Variants in SPOCK3 observed in about 807,000 individuals in gnomAD.
SPOCK3 encodes the protein SPARC (osteonectin), cwcv and kazal like domains proteoglycan 3.
SPOCK3 carries 30 observed loss-of-function variants against 56.6 expected under a neutral mutation model. The observed-to-expected ratio is 0.53, with a 90% CI of 0.40 to 0.72. The LOEUF (loss-of-function observed/expected upper bound fraction) is 0.72, where lower values mean the gene tolerates loss of function less well. SPOCK3 is among the 30% of genes least tolerant of loss of function. SPOCK3 has a pLI of 0.00. For synonymous variants in SPOCK3, 196 were observed against 183.3 expected (o/e 1.07, Z -0.56); for missense variants, 527 against 530.0 (o/e 0.99, Z 0.06).
At chr4:167,055,489 C>G (rs181100062) in intron 3 of SPOCK3, among the ~76,000 whole-genome samples, 6 of 152,164 alleles carry the variant, frequency 3.9e-5, no homozygotes, top group African/African-American at 1.4e-4. Context: ...CGAGCCAAAG[C>G]AGGGTGAGGC....
At chr4:166,897,165 T>C (rs1214052602) in intron 5 of SPOCK3, among the ~76,000 whole-genome samples, 2 of 152,172 alleles carry the variant, frequency 1.3e-5, no homozygotes, top group Non-Finnish European at 2.9e-5. Context: ...TTAATCATTA[T>C]GTAGTAATTC....
At chr4:166,911,239 C>A (rs1433303942) in intron 5 of SPOCK3, among the ~76,000 whole-genome samples, 1 of 88,982 alleles carries the variant, frequency 1.1e-5, no homozygotes, top group Non-Finnish European at 2.2e-5. Context: ...GTACTTGGCA[C>A]CTAGTGTGTA....
At chr4:166,905,780 G>C (rs1736541710) in intron 5 of SPOCK3, among the ~76,000 whole-genome samples, 1 of 151,934 alleles carries the variant, frequency 6.6e-6, no homozygotes, top group Non-Finnish European at 1.5e-5. Flanking sequence ...ATTTAGCAAA[G>C]TGGCAATATA....
At chr4:167,099,066 T>C (rs1759411270) in intron 2 of SPOCK3, among the ~76,000 whole-genome samples, 1 of 152,016 alleles carries the variant, frequency 6.6e-6, no homozygotes, top group East Asian at 1.9e-4. Context: ...GTCTGTCACA[T>C]AGGATGTGTA....
chr4:167,049,206 G>C (rs918410764), intron 3 of SPOCK3, among the ~76,000 whole-genome samples: 2 of 151,628 alleles, frequency 1.3e-5, no homozygotes, highest in African/African-American at 4.8e-5. Flanking sequence ...CTGGGTTCAA[G>C]CATCTTTGAA....
chr4:167,085,185 A>G (rs1758074566), intron 2 of SPOCK3, among the ~76,000 whole-genome samples: 2 of 152,138 alleles, frequency 1.3e-5, no homozygotes, highest in Admixed American at 6.6e-5. Flanking sequence ...AAAAAAAAAA[A>G]AAACACAAAT....
upstream of SPOCK3, chr4:167,234,554 C>A (rs1424053133): frequency 3.9e-6 from 1 of 258,298 alleles, no homozygotes; most frequent in Non-Finnish European, 7.5e-6. Context: ...CGTCTCGAGC[C>A]GTCCACTCAG....
chr4:167,118,763 C>T (rs1162150076), intron 2 of SPOCK3, among the ~76,000 whole-genome samples: 2 of 152,094 alleles, frequency 1.3e-5, no homozygotes, highest in Admixed American at 6.6e-5. Flanking sequence ...GAAAACTTGG[C>T]ATTTGTTGAT....
intron 4 of SPOCK3, among the ~76,000 whole-genome samples, chr4:166,980,995 G>A (rs558536974): frequency 3.2e-4 from 49 of 152,308 alleles, no homozygotes; most frequent in African/African-American, 1.1e-3. Flanking sequence ...AGTTCTTGCC[G>A]CGGTCTAGGA....
At chr4:167,063,413 A>T (rs1313252145) in intron 2 of SPOCK3, among the ~76,000 whole-genome samples, 1 of 151,992 alleles carries the variant, frequency 6.6e-6, no homozygotes, top group Non-Finnish European at 1.5e-5. Context: ...GCCAAAAGAG[A>T]GTAGCACATC....
At chr4:166,806,948 A>T (rs1021538818) in intron 6 of SPOCK3, among the ~76,000 whole-genome samples, 1 of 151,956 alleles carries the variant, frequency 6.6e-6, no homozygotes, top group Non-Finnish European at 1.5e-5. Context: ...GTAAGAGATT[A>T]ACAACAATAA....
intron 7 of SPOCK3, among the ~76,000 whole-genome samples, chr4:166,762,875 A>C (rs1737430621): frequency 6.6e-6 from 1 of 152,156 alleles, no homozygotes; most frequent in Non-Finnish European, 1.5e-5. Context: ...AATATGAAAA[A>C]GAAAAACCAA....
intron 2 of SPOCK3, among the ~76,000 whole-genome samples, chr4:167,206,122 G>A (rs923690393): frequency 6.6e-6 from 1 of 151,944 alleles, no homozygotes; most frequent in African/African-American, 2.4e-5. Flanking sequence ...TCAGGAGTTC[G>A]AGACCAGCCT....
chr4:166,887,931 C>T (rs891515285), intron 6 of SPOCK3, among the ~76,000 whole-genome samples: 2 of 150,916 alleles, frequency 1.3e-5, no homozygotes, highest in African/African-American at 4.9e-5. Context: ...TGGTGTCATT[C>T]TTCACAGGAT....
intron 2 of SPOCK3, among the ~76,000 whole-genome samples, chr4:167,222,545 T>A (rs150459264): frequency 3.9e-4 from 56 of 144,876 alleles, no homozygotes; most frequent in African/African-American, 1.1e-3. Context: ...GATTCATATA[T>A]GAATATATAA....
At chr4:167,067,236 A>C (rs1214030698) in intron 2 of SPOCK3, among the ~76,000 whole-genome samples, 2 of 151,794 alleles carry the variant, frequency 1.3e-5, no homozygotes, top group African/African-American at 4.8e-5. Flanking sequence ...ATCTTACTAA[A>C]ATCTATGTTT....
At chr4:167,157,618 T>TTA (rs770494301) in intron 2 of SPOCK3, among the ~76,000 whole-genome samples, 84 of 147,798 alleles carry the variant, frequency 5.7e-4, no homozygotes, top group Admixed American at 1.7e-3. Context: ...AGGTTTTTTT[T>TTA]AAAAAAAAAA....
At chr4:167,054,342 C>A (rs766153794) in intron 3 of SPOCK3, among the ~76,000 whole-genome samples, 6 of 152,218 alleles carry the variant, frequency 3.9e-5, no homozygotes, top group Non-Finnish European at 7.3e-5. Flanking sequence ...GCATATTCAT[C>A]TAAAGCATTG....
intron 5 of SPOCK3, among the ~76,000 whole-genome samples, chr4:166,893,494 T>C (rs1735006837): frequency 6.6e-6 from 1 of 152,108 alleles, no homozygotes; most frequent in Non-Finnish European, 1.5e-5. Context: ...GTTAAGCAGT[T>C]TAGATGTATT....
Sources: allele counts gnomAD v4.1 joint callset (sites outside exome capture counted in the v4.1 genomes callset), GRCh38; gene constraint gnomAD v4.1.1; transcripts MANE v1.5; gene names NCBI Gene and HGNC (gene_info 2026-07-23, HGNC 2026-07-21).